TPO: variants seen among roughly 807,000 people sequenced by gnomAD.
TPO encodes thyroid microsomal antigen.
Under a neutral mutation model 96.9 loss-of-function variants are expected in TPO, and 78 were observed. The observed-to-expected ratio is 0.81, with a 90% CI of 0.67 to 0.97. TPO has a LOEUF of 0.97. Ranked by LOEUF, TPO falls within the 50% of genes least tolerant of loss-of-function variation. The pLI is 0.00. For missense variants in TPO, 1,252 were observed against 1,274.8 expected (o/e 0.98, Z 0.27); for synonymous variants, 547 against 538.0 (o/e 1.02, Z -0.23).
chr2:1,428,363 G>T (rs1160681188), intron 3 of TPO, among the ~76,000 whole-genome samples: 2 of 152,206 alleles, frequency 1.3e-5, no homozygotes, highest in African/African-American at 4.8e-5. Flanking sequence ...CACAGGCTGG[G>T]CTCTGCAGAA....
chr2:1,415,241 G>A (rs1395108085), intron 2 of TPO, among the ~76,000 whole-genome samples: 13 of 144,252 alleles, frequency 9.0e-5, no homozygotes, highest in African/African-American at 2.3e-4. Context: ...ACACCTCACC[G>A]GGCAGGTCCC....
At chr2:1,539,989 T>TGGG (rs1680541390) in intron 15 of TPO, among the ~76,000 whole-genome samples, 1 of 152,168 alleles carries the variant, frequency 6.6e-6, no homozygotes, top group South Asian at 2.1e-4. Flanking sequence ...AATCCCACAG[T>TGGG]ATTTGTGATG....
At chr2:1,376,306 G>T (rs902350315) in intron 1 of TPO, among the ~76,000 whole-genome samples, 2 of 152,168 alleles carry the variant, frequency 1.3e-5, no homozygotes, top group Admixed American at 1.3e-4. Flanking sequence ...GCGTTGATGT[G>T]AACTGGATTG....
chr2:1,408,441 G>A (rs1379466087), intron 1 of TPO, among the ~76,000 whole-genome samples: 7 of 152,190 alleles, frequency 4.6e-5, no homozygotes, highest in Admixed American at 6.5e-5. Context: ...ACTGACATTC[G>A]AGTTGTGCGT....
At chr2:1,528,564 C>G (rs1677173900) in intron 15 of TPO, among the ~76,000 whole-genome samples, 1 of 146,808 alleles carries the variant, frequency 6.8e-6, no homozygotes, top group Non-Finnish European at 1.5e-5. Context: ...TTTGCAAACT[C>G]CCCAAATCGC....
At chr2:1,526,737 A>C (rs574391299) in intron 15 of TPO, among the ~76,000 whole-genome samples, 1 of 96,108 alleles carries the variant, frequency 1.0e-5, no homozygotes, top group East Asian at 3.6e-4. Flanking sequence ...AATGTGTGCA[A>C]CATCCTCAAA....
chr2:1,416,984 G>A (rs1558258516), intron 2 of TPO, among the ~76,000 whole-genome samples: 1 of 152,166 alleles, frequency 6.6e-6, no homozygotes, highest in Non-Finnish European at 1.5e-5. Context: ...CTTGGTGGGT[G>A]GCTCACCCTT....
chr2:1,478,344 T>G, intron 8 of TPO: 1 of 985,444 alleles, frequency 1.0e-6, no homozygotes, highest in Non-Finnish European at 1.2e-6. Context: ...GTGTGTCTGT[T>G]GCACCAGGCC....
rs745501383 is a variant in TPO at position 1,496,708 on chromosome 2, C to G, written c.2329C>G (p.Arg777Gly). ...CCGGCACGGGTATGAGCTCCAAGGC[C>G]GGGAGCAGCTCACTTGCACCCAGGA... ...SCRHGYELQGREQLTCTQEGW... is the reference protein window; with the variant it reads ...SCRHGYELQGGEQLTCTQEGW... The change falls in exon 13 of 17, where the codon CGG (arginine) becomes GGG (glycine). Residue 777 changes from arginine (R) to glycine (G), a missense_variant. Physicochemically the swap from Arg to Gly is moderately radical, Grantham distance 125. Transcript: ENST00000329066. 3 of 1,614,092 alleles carry G rather than the reference C, an allele frequency of 1.9e-6. No homozygotes were observed. The highest frequency in any genetic ancestry group is 1.7e-6 in the Non-Finnish European group (2 of 1,180,036).
At chr2:1,539,522 G>A (rs1171457886) in intron 15 of TPO, among the ~76,000 whole-genome samples, 1 of 152,150 alleles carries the variant, frequency 6.6e-6, no homozygotes, top group Non-Finnish European at 1.5e-5. Context: ...CCTCCCCACT[G>A]ACAGGAGGGC....
chr2:1,419,456 A>G (rs1032609267), intron 2 of TPO, among the ~76,000 whole-genome samples: 1 of 152,220 alleles, frequency 6.6e-6, no homozygotes, highest in African/African-American at 2.4e-5. Context: ...GAAGCAGCAG[A>G]TAAAGGAAAA....
At chr2:1,514,482 G>C (rs11888851) in intron 14 of TPO, among the ~76,000 whole-genome samples, 27,725 of 152,118 alleles carry the variant, frequency 0.18, 2,607 homozygotes, top group African/African-American at 0.23. Flanking sequence ...ACCCGATGCC[G>C]TTTCTTTCCA....
intron 15 of TPO, among the ~76,000 whole-genome samples, chr2:1,529,433 C>T (rs1255280697): frequency 4.7e-5 from 5 of 106,978 alleles, no homozygotes; most frequent in Non-Finnish European, 8.8e-5. Context: ...CTGTGAGCAA[C>T]CTTCCCAAAT....
chr2:1,434,357 C>A (rs890124108), intron 4 of TPO, among the ~76,000 whole-genome samples: 4 of 152,232 alleles, frequency 2.6e-5, no homozygotes, highest in Non-Finnish European at 5.9e-5. Context: ...CAATTTGGTG[C>A]TGGTTACTTA....
intron 14 of TPO, among the ~76,000 whole-genome samples, chr2:1,506,371 T>C (rs376784796): frequency 0.029 from 4,421 of 152,120 alleles, 120 homozygotes; most frequent in South Asian, 0.13. Context: ...TATAGCAGCA[T>C]GATTTATAGT....
intron 1 of TPO, among the ~76,000 whole-genome samples, chr2:1,382,619 C>T (rs1661826649): frequency 6.6e-6 from 1 of 152,210 alleles, no homozygotes; most frequent in South Asian, 2.1e-4. Flanking sequence ...AGCAAACTGC[C>T]CTGAAACTGA....
In TPO at chr2:1,522,955, TC is replaced by T. The variant is rs1014395300; in HGVS notation, c.2618+5979del. On this transcript the variant is annotated intron_variant, in intron 15 of 16. Transcript: ENST00000329066. ...TCCACTCTGTGTAACCTCCCCAAAT[TC>T]CCCCCACTGTGTGCAACCTCCTCAG... Among the ~76,000 whole-genome samples the T allele has an allele frequency of 3.9e-5, 4 of 103,680 alleles. No homozygotes were observed. The East Asian group carries it at 9.8e-4, about 25-fold the overall frequency. The allele number at this position is 103,680 out of a possible 152,430, so 68.0% of individuals were successfully genotyped here.
chr2:1,392,991 C>G (rs1662026865), intron 1 of TPO, among the ~76,000 whole-genome samples: 1 of 152,088 alleles, frequency 6.6e-6, no homozygotes, highest in African/African-American at 2.4e-5. Context: ...TCATCACTGG[C>G]TTTACTTTAA....
At chr2:1,501,304 C>A (rs970753477) in intron 13 of TPO, among the ~76,000 whole-genome samples, 1 of 150,904 alleles carries the variant, frequency 6.6e-6, no homozygotes, top group Non-Finnish European at 1.5e-5. Flanking sequence ...GCGAAGCAGT[C>A]GGAGAGCAGA....
Sources: gnomAD v4.1 joint callset for allele counts (sites outside exome capture counted in the v4.1 genomes callset) on GRCh38, gnomAD v4.1.1 for gene constraint, MANE v1.5 for transcripts, NCBI Gene and HGNC (gene_info 2026-07-23, HGNC 2026-07-21) for gene names.